The following CCNE2 variants were observed in gnomAD, a reference collection of about 807,000 sequenced individuals.
CCNE2 encodes the protein G1/S-specific cyclin-E2.
Under a neutral mutation model 56.8 loss-of-function variants are expected in CCNE2, and 18 were observed. The observed-to-expected ratio is 0.32, with a 90% CI of 0.22 to 0.47. CCNE2 has a LOEUF of 0.47. CCNE2 is among the 20% of genes least tolerant of loss of function. The pLI is 1.00. For synonymous variants in CCNE2, 139 were observed against 149.2 expected (o/e 0.93, Z 0.50); for missense variants, 371 against 467.1 (o/e 0.79, Z 1.90).
rs1225562673 is a variant in CCNE2 at position 94,880,298 on chromosome 8, G to A, written c.*1334C>T. 8 of 851,878 alleles carry A rather than the reference G, an allele frequency of 9.4e-6. No individual in the cohort carries two copies. Among genetic ancestry groups the A allele is most frequent in the Non-Finnish European group, 1.5e-5 (8 of 533,414 alleles). 52.8% of individuals were successfully genotyped at this position (851,878 alleles called of 1,614,324 possible). Reference sequence around the variant, plus strand: ...GGCTAAAAATAAACAGTATTAAAAGGTTAAGTTTATATAATACATATGTAC... The same window carrying A: ...GGCTAAAAATAAACAGTATTAAAAGATTAAGTTTATATAATACATATGTAC... On this transcript the variant is annotated 3_prime_UTR_variant, in exon 12 of 12. Transcript: ENST00000308108.
intron 6 of CCNE2, among the ~76,000 whole-genome samples, chr8:94,889,995 A>G (rs1445118828): frequency 6.6e-6 from 1 of 152,228 alleles, no homozygotes; most frequent in Non-Finnish European, 1.5e-5. Flanking sequence ...ATTATGGTTT[A>G]GGATATAGAA....
At chr8:94,889,912 G>C (rs1817167685) in intron 6 of CCNE2, among the ~76,000 whole-genome samples, 1 of 152,152 alleles carries the variant, frequency 6.6e-6, no homozygotes, top group Admixed American at 6.6e-5. Context: ...TTTCGGAAAA[G>C]AATAGAAGAA....
In CCNE2 at chr8:94,891,966, A is replaced by T. The variant is rs1340745840; in HGVS notation, c.317+852T>A. 4.9e-6 allele frequency: 5 copies of T among 1,028,096 alleles called. No individual in the cohort carries two copies. The Admixed American group carries it at 5.2e-5, about 11-fold the overall frequency. 63.7% of individuals were successfully genotyped at this position (1,028,096 alleles called of 1,614,324 possible). ...ACAGAGCTCATGGTCGGATTAACTC[A>T]CACGTGATCTCTCCCTGCCACATCG... On this transcript the variant is annotated intron_variant, in intron 5 of 11. Transcript: ENST00000308108.
upstream of CCNE2, chr8:94,895,212 G>A: frequency 1.0e-6 from 1 of 985,764 alleles, no homozygotes; most frequent in Non-Finnish European, 1.2e-6. Flanking sequence ...AGCTGGCGCC[G>A]GCGCCAACCC....
upstream of CCNE2, among the ~76,000 whole-genome samples, chr8:94,896,139 C>A (rs1430134074): frequency 6.6e-6 from 1 of 152,110 alleles, no homozygotes; most frequent in African/African-American, 2.4e-5. Flanking sequence ...GAGGGTAAAA[C>A]CCCTCTCCGG....
chr8:94,880,292 T>G lies in CCNE2; in HGVS notation c.*1340A>C. Reference sequence around the variant, plus strand: ...ACAATGGGCTAAAAATAAACAGTATTAAAAGGTTAAGTTTATATAATACAT... The same window carrying G: ...ACAATGGGCTAAAAATAAACAGTATGAAAAGGTTAAGTTTATATAATACAT... On this transcript the variant is annotated 3_prime_UTR_variant, in exon 12 of 12. Transcript: ENST00000308108. The G allele has an allele frequency of 1.1e-6, 1 of 898,228 alleles. No homozygotes were observed. The allele number at this position is 898,228 out of a possible 1,614,324, so 55.6% of individuals were successfully genotyped here.
rs1290934030 is a variant in CCNE2 at position 94,894,265 on chromosome 8, A to G, written c.-26-18T>C. 1 of 1,611,896 alleles carries G rather than the reference A, an allele frequency of 6.2e-7. No individual in the cohort carries two copies. Among genetic ancestry groups the G allele is most frequent in the Admixed American group, 1.7e-5 (1 of 59,962 alleles). ...TAAAACCTCTGAAGGGGGGAGAGGAAAAGCCGCAGTCAAGTACATTGTCAT... is the reference window on the plus strand; with the variant it reads ...TAAAACCTCTGAAGGGGGGAGAGGAGAAGCCGCAGTCAAGTACATTGTCAT... On this transcript the variant is annotated intron_variant, in intron 1 of 11. Transcript: ENST00000308108.
In CCNE2 at chr8:94,890,491, T is replaced by C. The variant is rs1203187059; in HGVS notation, c.377A>G (p.His126Arg). The C allele has an allele frequency of 1.9e-6, 3 of 1,605,636 alleles. No homozygotes were observed. The highest frequency in any genetic ancestry group is 8.5e-7 in the Non-Finnish European group (1 of 1,174,912). ...NMLKKESRYV[H>R]DKHFEVLHSD... Reference sequence around the variant, plus strand: ...ATGCAGAACTTCAAAATGTTTGTCATGAACATATCTGCTCTCCTTTTTTAA... The same window carrying C: ...ATGCAGAACTTCAAAATGTTTGTCACGAACATATCTGCTCTCCTTTTTTAA... Residue 126 changes from histidine (H) to arginine (R), a missense_variant, in exon 6 of 12, where the codon CAT becomes CGT. His to Arg is a conservative substitution (Grantham distance 29). Transcript: ENST00000308108.
chr8:94,890,597 T>A (rs750901199), intron 5 of CCNE2, 47 bp from the exon 6 acceptor site: 52,067 of 472,564 alleles, frequency 0.11, 2,033 homozygotes, highest in Non-Finnish European at 0.12. Flanking sequence ...ATATATTTTT[T>A]TTTTTTTTTT....
intron 7 of CCNE2, among the ~76,000 whole-genome samples, chr8:94,886,533 G>T (rs139231747): frequency 1.3e-5 from 2 of 150,478 alleles, no homozygotes; most frequent in Admixed American, 1.3e-4. Context: ...AAAGAGAAAC[G>T]CTGTCCCTAC....
chr8:94,894,428 C>T (rs1817381666), intron 1 of CCNE2, 181 bp from the exon 2 acceptor site: 1 of 608,682 alleles, frequency 1.6e-6, no homozygotes, highest in Non-Finnish European at 2.9e-6. Flanking sequence ...GGATACAAGC[C>T]TGCATTTCCT....
chr8:94,896,374 C>T (rs1410398759), upstream of CCNE2: 1 of 151,568 alleles, frequency 6.6e-6, no homozygotes, highest in Non-Finnish European at 1.5e-5. Flanking sequence ...GCCCGACGCT[C>T]TTCCTTTATC....
At position 94,880,781 on chromosome 8, in the gene CCNE2, T is replaced by C. The variant is rs1816778926; in HGVS notation, c.*851A>G. ...CACTAAATTAAAAAAAAAAATTCCT[T>C]AGGGATATCTTAGAGTAGTAAAGTG... is the stretch of plus-strand genomic sequence containing the variant. On this transcript the variant is annotated 3_prime_UTR_variant, in exon 12 of 12. Coordinates refer to ENST00000308108, the MANE Select transcript of CCNE2 (RefSeq NM_057749.3). 1 of 398,292 alleles carries C rather than the reference T, an allele frequency of 2.5e-6. No homozygotes were observed. The highest frequency in any genetic ancestry group is 2.1e-5 in the African/African-American group (1 of 48,712). The allele number at this position is 398,292 out of a possible 1,614,324, so 24.7% of individuals were successfully genotyped here.
At chr8:94,892,352 A>C (rs929442252) in intron 5 of CCNE2, among the ~76,000 whole-genome samples, 1 of 152,216 alleles carries the variant, frequency 6.6e-6, no homozygotes, top group Non-Finnish European at 1.5e-5. Flanking sequence ...ATCATAAATT[A>C]ATACAGTACA....
At position 94,887,929 on chromosome 8, in the gene CCNE2, C is replaced by A; in HGVS notation, c.598G>T (p.Glu200Ter). Residue 200 changes from glutamate to a stop codon, truncating the protein, a stop_gained and splice_region_variant, in exon 7 of 12, where the codon GAG (glutamate) becomes TAG (stop). Coordinates refer to ENST00000308108, the MANE Select transcript of CCNE2 (RefSeq NM_057749.3). LOFTEE classifies it high-confidence loss of function. ...ITSLFIASKL[E>*]EIYAPKLQEF... ...AGGATAAACTTTTAAGAACTTACCT[C>A]AAGTTTGGAAGCAATGAATAATGAG... The A allele has an allele frequency of 6.4e-7, 1 of 1,563,778 alleles. No homozygotes were observed.
intron 9 of CCNE2, among the ~76,000 whole-genome samples, chr8:94,884,323 G>GA (rs1475133251): frequency 1.4e-5 from 2 of 146,822 alleles, no homozygotes; most frequent in African/African-American, 5.1e-5. Context: ...AAGTAAGCAA[G>GA]AAAGAATGGG....
Position 94,881,761 on chromosome 8 carries a change from AATC to A in CCNE2, c.1102-19_1102-17del. ...TTACTTCCTCCTATACATGGGAAGAAATCATGCACTGATTTCATAAATCAAAGT... is the reference window on the plus strand; with the variant it reads ...TTACTTCCTCCTATACATGGGAAGAAATGCACTGATTTCATAAATCAAAGT... On this transcript the variant is annotated splice_polypyrimidine_tract_variant and intron_variant, in intron 11 of 11. Transcript: ENST00000308108. 1 of 1,612,864 alleles carries A rather than the reference AATC, an allele frequency of 6.2e-7. No individual in the cohort carries two copies.
chr8:94,890,836 G>C (rs28399563), intron 5 of CCNE2, among the ~76,000 whole-genome samples: 3 of 151,598 alleles, frequency 2.0e-5, no homozygotes. Context: ...TCAAGTGATC[G>C]ACCTGCCTCA....
At chr8:94,894,141 G>C (rs1304599084) in intron 2 of CCNE2, 22 bp from the exon 3 acceptor site, 2 of 1,613,362 alleles carry the variant, frequency 1.2e-6, no homozygotes, top group Non-Finnish European at 1.7e-6. Context: ...TTTTAAAAAG[G>C]AAGTGTAATT....
Sources: allele counts gnomAD v4.1 joint callset (sites outside exome capture counted in the v4.1 genomes callset), GRCh38; gene constraint gnomAD v4.1.1; transcripts MANE v1.5; gene names NCBI Gene and HGNC (gene_info 2026-07-23, HGNC 2026-07-21).